GRID2: variants seen among roughly 807,000 people sequenced by gnomAD.
GRID2 encodes the protein glutamate ionotropic receptor delta type subunit 2.
Under a neutral mutation model 114.8 loss-of-function variants are expected in GRID2, and 33 were observed. The ratio of observed to expected loss-of-function variants is 0.29; its 90% CI spans 0.22 to 0.38. GRID2 has a LOEUF of 0.38. Among genes scored for constraint, GRID2 ranks in the 10% least tolerant of loss-of-function variants. GRID2 has a pLI of 1.00. For missense variants in GRID2, 1,184 were observed against 1,257.7 expected, an observed-to-expected ratio of 0.94 and a Z score of 0.89; for synonymous variants, 505 against 449.9, an observed-to-expected ratio of 1.12 and a Z score of -1.55.
chr4:93,573,272 T>G (rs1225771827), intron 13 of GRID2, among the ~76,000 whole-genome samples: 3 of 152,132 alleles, frequency 2.0e-5, no homozygotes, highest in Non-Finnish European at 4.4e-5. Context: ...TGAGTAAGAT[T>G]AGAATTTTGA....
chr4:92,638,841 C>T (rs1401368217), intron 2 of GRID2, among the ~76,000 whole-genome samples: 1 of 150,510 alleles, frequency 6.6e-6, no homozygotes, highest in East Asian at 2.0e-4. Flanking sequence ...TATCTAATAT[C>T]CAAATTCTCA....
chr4:93,195,778 C>T (rs1420428576), intron 4 of GRID2, among the ~76,000 whole-genome samples: 3 of 152,134 alleles, frequency 2.0e-5, no homozygotes, highest in Non-Finnish European at 4.4e-5. Context: ...AATTCTAAGA[C>T]ATATAAATGG....
At chr4:93,037,199 T>C (rs538921678) in intron 2 of GRID2, among the ~76,000 whole-genome samples, 2 of 152,202 alleles carry the variant, frequency 1.3e-5, no homozygotes, top group Non-Finnish European at 2.9e-5. Context: ...TCTGATGAAC[T>C]CTCAAGTCCC....
intron 2 of GRID2, among the ~76,000 whole-genome samples, chr4:92,743,729 C>T (rs1453026541): frequency 6.6e-6 from 1 of 152,052 alleles, no homozygotes; most frequent in African/African-American, 2.4e-5. Flanking sequence ...TTGTATGGGC[C>T]TCTTTGATAA....
At chr4:92,483,536 G>T (rs1722717180) in intron 1 of GRID2, among the ~76,000 whole-genome samples, 2 of 152,064 alleles carry the variant, frequency 1.3e-5, no homozygotes, top group Non-Finnish European at 2.9e-5. Context: ...TCTCGTTACT[G>T]AATAAATATC....
intron 14 of GRID2, among the ~76,000 whole-genome samples, chr4:93,708,019 G>C (rs897607778): frequency 1.3e-5 from 2 of 151,702 alleles, no homozygotes; most frequent in African/African-American, 4.8e-5. Flanking sequence ...TTTTGTTATT[G>C]ATTTCTAGTT....
chr4:93,051,050 A>G (rs1726662820), intron 2 of GRID2, among the ~76,000 whole-genome samples: 1 of 152,052 alleles, frequency 6.6e-6, no homozygotes, highest in Admixed American at 6.6e-5. Flanking sequence ...AGTGCTCCAC[A>G]TCACTCTTAT....
At chr4:93,589,997 G>A (rs1226528347) in intron 13 of GRID2, among the ~76,000 whole-genome samples, 4 of 150,756 alleles carry the variant, frequency 2.7e-5, no homozygotes, top group Non-Finnish European at 5.9e-5. Flanking sequence ...CTCCCATTTT[G>A]TAGGTTGCCT....
At position 92,329,276 on chromosome 4, in the gene GRID2, T is replaced by C. The variant is rs541380887; in HGVS notation, c.88+24532T>C. On this transcript the variant is annotated intron_variant, in intron 1 of 15. Coordinates refer to ENST00000282020, the MANE Select transcript of GRID2 (RefSeq NM_001510.4). ...GCTGATAGTACAGAACTGTGCTTGCTGGCTTCTTTTTAAGCCCTCTCTATT... is the reference window on the plus strand; with the variant it reads ...GCTGATAGTACAGAACTGTGCTTGCCGGCTTCTTTTTAAGCCCTCTCTATT... Among the ~76,000 whole-genome samples, 7 of 152,196 alleles carry C rather than the reference T, an allele frequency of 4.6e-5. No homozygotes were observed. In the East Asian group the frequency reaches 1.2e-3, roughly 25 times the overall value.
At chr4:93,453,359 A>AGAGAGAGAGAGAGT (rs1284889245) in intron 10 of GRID2, among the ~76,000 whole-genome samples, 107 of 121,224 alleles carry the variant, frequency 8.8e-4, no homozygotes, top group Middle Eastern at 4.8e-3. Flanking sequence ...AGAGAGAGAG[A>AGAGAGAGAGAGAGT]GTGTGTGTAT....
intron 4 of GRID2, among the ~76,000 whole-genome samples, chr4:93,142,460 T>G (rs1015589792): frequency 3.3e-5 from 5 of 152,022 alleles, no homozygotes; most frequent in African/African-American, 1.2e-4. Flanking sequence ...GGTGAACAAG[T>G]TCTCTGGAGT....
At chr4:93,193,420 T>C (rs1292274648) in intron 4 of GRID2, among the ~76,000 whole-genome samples, 4 of 152,116 alleles carry the variant, frequency 2.6e-5, no homozygotes, top group Non-Finnish European at 4.4e-5. Flanking sequence ...GTTCTCATGA[T>C]AGTGAGTGAG....
chr4:92,769,735 G>T (rs1578167981), intron 2 of GRID2, among the ~76,000 whole-genome samples: 1 of 152,124 alleles, frequency 6.6e-6, no homozygotes, highest in East Asian at 1.9e-4. Flanking sequence ...GTGTACCTTG[G>T]CCCCTTTTAG....
intron 2 of GRID2, among the ~76,000 whole-genome samples, chr4:93,026,153 T>C (rs1723863243): frequency 1.3e-5 from 2 of 151,882 alleles, no homozygotes. Context: ...CTTTTTATAA[T>C]CACTATCTTC....
intron 1 of GRID2, among the ~76,000 whole-genome samples, chr4:92,315,706 C>A (rs1725930923): frequency 6.6e-6 from 1 of 152,128 alleles, no homozygotes; most frequent in Non-Finnish European, 1.5e-5. Context: ...CACGGTGGCT[C>A]ACGCCTGTAA....
chr4:92,910,438 A>T (rs1748288614), intron 2 of GRID2, among the ~76,000 whole-genome samples: 1 of 152,134 alleles, frequency 6.6e-6, no homozygotes, highest in African/African-American at 2.4e-5. Context: ...AATAGTGGTA[A>T]TTAAGCATTT....
intron 13 of GRID2, among the ~76,000 whole-genome samples, chr4:93,543,794 C>G (rs1244041402): frequency 6.6e-6 from 1 of 151,876 alleles, no homozygotes; most frequent in African/African-American, 2.4e-5. Flanking sequence ...TATGGCAGCA[C>G]AGCATCCTAA....
chr4:93,614,107 G>A (rs1247044429), intron 13 of GRID2, among the ~76,000 whole-genome samples: 1 of 152,122 alleles, frequency 6.6e-6, no homozygotes, highest in Non-Finnish European at 1.5e-5. Flanking sequence ...TCTTTGACTG[G>A]GAAAGGGAAC....
chr4:93,236,458 C>A (rs1328798836), intron 7 of GRID2, among the ~76,000 whole-genome samples: 1 of 152,108 alleles, frequency 6.6e-6, no homozygotes, highest in East Asian at 1.9e-4. Context: ...TCCATTTTTA[C>A]CCGAGAAAAT....
Sources: gnomAD v4.1 joint callset for allele counts (sites outside exome capture counted in the v4.1 genomes callset) on GRCh38, gnomAD v4.1.1 for gene constraint, MANE v1.5 for transcripts, NCBI Gene and HGNC (gene_info 2026-07-23, HGNC 2026-07-21) for gene names.